GIGYF2: variants seen among roughly 807,000 people sequenced by gnomAD.
GIGYF2 encodes the protein GRB10-interacting GYF protein 2.
In GIGYF2, 25 loss-of-function variants were observed where a neutral mutation model predicts 208.1. The ratio of observed to expected loss-of-function variants is 0.12; its 90% CI spans 0.09 to 0.17. The LOEUF (loss-of-function observed/expected upper bound fraction) is 0.17. Ranked by LOEUF, GIGYF2 falls within the 10% of genes least tolerant of loss-of-function variation. The pLI, the probability that GIGYF2 is intolerant of heterozygous loss-of-function variation, is 1.00. For missense variants in GIGYF2, 1,302 were observed against 1,579.4 expected (o/e 0.82, Z 2.98); for synonymous variants, 534 against 543.8 (o/e 0.98, Z 0.25).
At position 232,772,781 on chromosome 2, in the gene GIGYF2, C is replaced by CT. The variant is rs1162659210; in HGVS notation, c.532+11346dup. 3.9e-5 allele frequency among the ~76,000 whole-genome samples: 6 copies of CT among 152,160 alleles called. No homozygotes were observed. In the South Asian group the frequency reaches 8.3e-4, roughly 21 times the overall value. Reference sequence around the variant, plus strand: ...TTAGAGGTAGATACCCTTGAGAGTGCTGCATACCCACTTCCTGCCTTTTAA... The same window carrying CT: ...TTAGAGGTAGATACCCTTGAGAGTGCTTGCATACCCACTTCCTGCCTTTTAA... On this transcript the variant is annotated intron_variant, in intron 8 of 28. Transcript: ENST00000373563.
chr2:232,818,012 C>T (rs7593642), intron 20 of GIGYF2, among the ~76,000 whole-genome samples: 9,101 of 152,276 alleles, frequency 0.06, 287 homozygotes, highest in Non-Finnish European at 0.076. Flanking sequence ...CCAGTGTCTC[C>T]ACATTCTCAC....
At chr2:232,797,981 CAAAAAAAAAAAAAAA>C (rs57991158) in intron 14 of GIGYF2, among the ~76,000 whole-genome samples, 4 of 102,382 alleles carry the variant, frequency 3.9e-5, no homozygotes, top group Non-Finnish European at 8.3e-5. Context: ...ACTGTGCCTC[CAAAAAAAAAAAAAAA>C]AAAAAAAAAA....
At chr2:232,830,816 A>G (rs1306903585) in intron 21 of GIGYF2, among the ~76,000 whole-genome samples, 1 of 87,084 alleles carries the variant, frequency 1.1e-5, no homozygotes, top group African/African-American at 4.6e-5. Flanking sequence ...CCCTGTCTCT[A>G]CAAAAAAAAA....
chr2:232,782,298 A>G (rs1699746281), intron 8 of GIGYF2, among the ~76,000 whole-genome samples: 1 of 152,144 alleles, frequency 6.6e-6, no homozygotes, highest in Non-Finnish European at 1.5e-5. Flanking sequence ...CCTAAACTCA[A>G]GTGATCCTCT....
At position 232,811,092 on chromosome 2, in the gene GIGYF2, A is replaced by T. The variant is rs1190013128; in HGVS notation, c.1899-152A>T. 2 of 617,450 alleles carry T rather than the reference A, an allele frequency of 3.2e-6. 1 individual carries two copies. The highest frequency in any genetic ancestry group is 8.9e-4 in the Middle Eastern group (2 of 2,252). The allele number at this position is 617,450 out of a possible 1,614,324, so 38.2% of individuals were successfully genotyped here. ...GAAGCATAGAATTTTCTATGTGTCT[A>T]TTATCATAATGAAGAATTATAAAAT... is the stretch of plus-strand genomic sequence containing the variant. On this transcript the variant is annotated intron_variant, in intron 16 of 28. Coordinates refer to ENST00000373563, the MANE Select transcript of GIGYF2 (RefSeq NM_001103146.3).
At chr2:232,723,583 C>A (rs996462494) in intron 2 of GIGYF2, among the ~76,000 whole-genome samples, 5 of 151,380 alleles carry the variant, frequency 3.3e-5, no homozygotes, top group Non-Finnish European at 5.9e-5. Flanking sequence ...GTGCACGCCA[C>A]CATGCCCAGC....
chr2:232,734,374 G>A (rs1010288657), intron 2 of GIGYF2: 2 of 152,048 alleles, frequency 1.3e-5, no homozygotes, highest in Non-Finnish European at 2.9e-5. Context: ...CTACAGGCAT[G>A]TACCACCATG....
At position 232,836,411 on chromosome 2, in the gene GIGYF2, A is replaced by T. The variant is rs956709902; in HGVS notation, c.2766+3318A>T. Among the ~76,000 whole-genome samples, 103 of 116,354 alleles carry T rather than the reference A, an allele frequency of 8.9e-4. 1 individual carries two copies. The highest frequency in any genetic ancestry group is 1.4e-3 in the Non-Finnish European group (78 of 53,950). The allele number at this position is 116,354 out of a possible 152,430, so 76.3% of individuals were successfully genotyped here. A position where few individuals can be genotyped will look rare whatever the true frequency, so the allele number is the denominator to read the frequency against. Reference sequence around the variant, plus strand: ...ATATATAAATATAAATATATATATAAATAAATTATTCAGGCGTGGTGATGT... The same window carrying T: ...ATATATAAATATAAATATATATATATATAAATTATTCAGGCGTGGTGATGT... On this transcript the variant is annotated intron_variant, in intron 22 of 28. Coordinates refer to ENST00000373563, the MANE Select transcript of GIGYF2 (RefSeq NM_001103146.3).
chr2:232,825,502 A>C (rs1175718760), intron 21 of GIGYF2, among the ~76,000 whole-genome samples: 1 of 152,206 alleles, frequency 6.6e-6, no homozygotes, highest in African/African-American at 2.4e-5. Context: ...GAGCCTGAAG[A>C]TGTGACTAAA....
chr2:232,788,628 C>T, intron 9 of GIGYF2: 1 of 466,244 alleles, frequency 2.1e-6, no homozygotes. Context: ...TTTTTGAGCC[C>T]AAATGTCTGA....
chr2:232,740,309 A>G (rs1356305576), intron 3 of GIGYF2, among the ~76,000 whole-genome samples: 2 of 152,100 alleles, frequency 1.3e-5, no homozygotes, highest in African/African-American at 4.8e-5. Context: ...AAAAAACAAA[A>G]AGAAGACTAC....
chr2:232,778,235 C>T (rs1699595252), intron 8 of GIGYF2, among the ~76,000 whole-genome samples: 1 of 152,088 alleles, frequency 6.6e-6, no homozygotes. Context: ...TTCACCTGGC[C>T]TGAGAATACA....
At chr2:232,712,274 G>T (rs533078671) in intron 2 of GIGYF2, among the ~76,000 whole-genome samples, 1 of 152,150 alleles carries the variant, frequency 6.6e-6, no homozygotes, top group Non-Finnish European at 1.5e-5. Context: ...AGCTAGTTGA[G>T]CTTGTAACCC....
intron 5 of GIGYF2, among the ~76,000 whole-genome samples, chr2:232,755,996 C>G (rs1698522468): frequency 6.6e-6 from 1 of 152,022 alleles, no homozygotes; most frequent in Non-Finnish European, 1.5e-5. Context: ...CATTGGTTGT[C>G]AATTTTGTTG....
intron 23 of GIGYF2, 53 bp from the exon 24 acceptor site, chr2:232,843,993 A>G (rs1701910211): frequency 1.3e-6 from 2 of 1,535,730 alleles, no homozygotes; most frequent in Non-Finnish European, 1.8e-6. Flanking sequence ...GGATATTTAT[A>G]ACTATTATCT....
chr2:232,760,279 GTTTC>G (rs755570899), intron 6 of GIGYF2, 197 bp from the exon 7 acceptor site: 1 of 551,900 alleles, frequency 1.8e-6, no homozygotes, highest in Non-Finnish European at 3.2e-6. Context: ...TTTTTAACTT[GTTTC>G]TTTCAGCCTC....
chr2:232,712,436 G>A (rs1480282989), intron 2 of GIGYF2, among the ~76,000 whole-genome samples: 1 of 152,110 alleles, frequency 6.6e-6, no homozygotes, highest in African/African-American at 2.4e-5. Context: ...ATGGGCATTC[G>A]TAATAAAAGT....
At chr2:232,791,933 T>A (rs1370885315) in intron 12 of GIGYF2, among the ~76,000 whole-genome samples, 1 of 152,244 alleles carries the variant, frequency 6.6e-6, no homozygotes, top group Non-Finnish European at 1.5e-5. Context: ...TGGTTTAAGT[T>A]GCTCATACAC....
intron 13 of GIGYF2, among the ~76,000 whole-genome samples, chr2:232,795,419 C>T (rs1429662297): frequency 6.6e-6 from 1 of 152,028 alleles, no homozygotes; most frequent in African/African-American, 2.4e-5. Context: ...ATTTCTCTTC[C>T]CTTTGGGGTG....
Sources: allele counts gnomAD v4.1 joint callset (sites outside exome capture counted in the v4.1 genomes callset), GRCh38; gene constraint gnomAD v4.1.1; transcripts MANE v1.5; gene names NCBI Gene and HGNC (gene_info 2026-07-23, HGNC 2026-07-21).